The following CASP6 variants were observed in gnomAD, a reference collection of about 807,000 sequenced individuals.
CASP6 encodes caspase 6.
A neutral mutation model predicts 31.8 loss-of-function variants in CASP6; 20 were observed. The observed-to-expected ratio is 0.63, with a 90% confidence interval of 0.44 to 0.91. CASP6 has a LOEUF of 0.91. Ranked by LOEUF, CASP6 falls within the 40% of genes least tolerant of loss-of-function variation. CASP6 has a pLI of 0.00. For synonymous variants in CASP6, 130 were observed against 127.8 expected, an observed-to-expected ratio of 1.02 and a Z score of -0.12; for missense variants, 328 against 361.1, an observed-to-expected ratio of 0.91 and a Z score of 0.74.
At chr4:109,708,411 CGTT>C (rs1392320486), upstream of CASP6, among the ~76,000 whole-genome samples, 1 of 152,212 alleles carries the variant, frequency 6.6e-6, no homozygotes, top group African/African-American at 2.4e-5. Context: ...TTGTTGTACT[CGTT>C]GGAAACAGCA....
rs1730033402 is a variant in CASP6, at chr4:109,690,951, T to G, written c.542A>C (p.Gln181Pro). Residue 181 changes from glutamine to proline, a missense_variant, in exon 6 of 7, where the codon CAG (glutamine) becomes CCG (proline). Transcript: ENST00000265164. ...TATGTTGGTGTCCAACTTCTCTGTC[T>G]GATTATCTACTACATCCAAAGGAAT... ...PVIPLDVVDNQTEKLDTNITE... is the reference protein window; with the variant it reads ...PVIPLDVVDNPTEKLDTNITE... The G allele has an allele frequency of 2.5e-6, 4 of 1,614,018 alleles. No homozygotes were observed. The highest frequency in any genetic ancestry group is 3.4e-6 in the Non-Finnish European group (4 of 1,179,944).
At chr4:109,700,481 C>T (rs1730386813) in intron 1 of CASP6, among the ~76,000 whole-genome samples, 1 of 152,192 alleles carries the variant, frequency 6.6e-6, no homozygotes, top group South Asian at 2.1e-4. Flanking sequence ...ATGACTGCCC[C>T]TGTGAATAGT....
At chr4:109,707,632 C>A (rs1180294295), upstream of CASP6, among the ~76,000 whole-genome samples, 2 of 152,126 alleles carry the variant, frequency 1.3e-5, no homozygotes, top group Admixed American at 6.5e-5. Flanking sequence ...ATCTGCCCAC[C>A]TTGGCCTCCC....
chr4:109,684,102 G>A (rs1331884735), downstream of CASP6, among the ~76,000 whole-genome samples: 2 of 145,808 alleles, frequency 1.4e-5, no homozygotes, highest in African/African-American at 2.6e-5. Context: ...TTGCACTGTC[G>A]CCCAGGCTGG....
At chr4:109,686,399 A>G (rs546126186), downstream of CASP6, among the ~76,000 whole-genome samples, 1 of 152,190 alleles carries the variant, frequency 6.6e-6, no homozygotes, top group Non-Finnish European at 1.5e-5. Flanking sequence ...TTGGCCTCCC[A>G]AAGTGTTAGG....
intron 6 of CASP6, 80 bp downstream of exon 6, chr4:109,690,770 G>T: frequency 6.8e-7 from 1 of 1,460,984 alleles, no homozygotes; most frequent in Non-Finnish European, 9.2e-7. Context: ...CGAAAGATCT[G>T]ACCCAAACCA....
chr4:109,706,207 T>C (rs1435339559), upstream of CASP6, among the ~76,000 whole-genome samples: 13 of 128,724 alleles, frequency 1.0e-4, no homozygotes, highest in African/African-American at 2.5e-4. Context: ...ACATTATACA[T>C]AGGTATATGC....
downstream of CASP6, chr4:109,684,861 C>T (rs753391007): frequency 1.1e-5 from 5 of 467,156 alleles, no homozygotes; most frequent in African/African-American, 2.0e-5. Context: ...TAGTGTAACA[C>T]ACAAATTCCT....
the CASP6 span, among the ~76,000 whole-genome samples, chr4:109,670,375 G>A: frequency 5.9e-5 from 9 of 151,928 alleles, no homozygotes; most frequent in East Asian, 9.6e-4. Flanking sequence ...AATCCCAATC[G>A]GTTAGGCTCT....
At chr4:109,675,675 G>A in the CASP6 span, among the ~76,000 whole-genome samples, 1 of 152,314 alleles carries the variant, frequency 6.6e-6, no homozygotes, top group East Asian at 1.9e-4. Flanking sequence ...TGTGGTGTTG[G>A]GATGTGAGGC....
In CASP6 at chr4:109,689,522, T is replaced by C. The variant is rs771986235; in HGVS notation, c.690A>G (p.Gln230=). The stretch of plus-strand genomic sequence containing the variant: ...ATTTTCCCAACATCTCACACAAATC[T>C]TGAATGTACCATGAGCCGTTCACAG... The part of the protein sequence containing the change: ...RETVNGSWYI[Q]DLCEMLGKYG... The change falls in exon 7 of 7, where the codon CAA becomes CAG. Residue 230 remains glutamine, a synonymous_variant. Coordinates refer to ENST00000265164, the MANE Select transcript of CASP6 (RefSeq NM_001226.4). The C allele has an allele frequency of 1.3e-4, 207 of 1,614,060 alleles. No homozygotes were observed. The highest frequency in any genetic ancestry group is 1.7e-4 in the Non-Finnish European group (196 of 1,180,034).
intron 5 of CASP6, among the ~76,000 whole-genome samples, chr4:109,693,167 T>C (rs1730128913): frequency 6.6e-6 from 1 of 152,124 alleles, no homozygotes. Context: ...CCTTCCACCA[T>C]AATTGTAAGC....
At chr4:109,666,777 G>C in the CASP6 span, among the ~76,000 whole-genome samples, 1 of 152,020 alleles carries the variant, frequency 6.6e-6, no homozygotes, top group South Asian at 2.1e-4. Context: ...CTCTGTTCCT[G>C]GTTTGCTGAG....
At chr4:109,681,853 A>T in the CASP6 span, among the ~76,000 whole-genome samples, 11 of 152,240 alleles carry the variant, frequency 7.2e-5, no homozygotes, top group African/African-American at 2.7e-4. Context: ...GCAGTAACAA[A>T]CACGAACCAG....
intron 5 of CASP6, among the ~76,000 whole-genome samples, chr4:109,694,158 T>G (rs1730165140): frequency 6.6e-6 from 1 of 152,202 alleles, no homozygotes; most frequent in Non-Finnish European, 1.5e-5. Context: ...TCCACTGGTT[T>G]ATATGCTCTC....
upstream of CASP6, among the ~76,000 whole-genome samples, chr4:109,707,226 G>A (rs1458149431): frequency 2.0e-5 from 3 of 152,136 alleles, no homozygotes; most frequent in Admixed American, 6.5e-5. Context: ...AACCAAACTC[G>A]AAATCCCTCT....
chr4:109,696,395 A>T lies in CASP6; in HGVS notation c.307+15T>A. 6 of 1,595,692 alleles carry T rather than the reference A, an allele frequency of 3.8e-6. No homozygotes were observed. Among genetic ancestry groups the T allele is most frequent in the Non-Finnish European group, 5.1e-6 (6 of 1,165,444 alleles). On this transcript the variant is annotated intron_variant, in intron 4 of 6. Transcript: ENST00000265164. ...ATTAGAGGAAGATGAACTATATGAT[A>T]GCAAAACTACCTACCCTCATGAATT... is the stretch of plus-strand genomic sequence containing the variant.
chr4:109,677,362 C>G, the CASP6 span, among the ~76,000 whole-genome samples: 1 of 152,118 alleles, frequency 6.6e-6, no homozygotes, highest in Non-Finnish European at 1.5e-5. Flanking sequence ...TTGCCCATAT[C>G]TGATTTAGAT....
At chr4:109,674,009 T>C in the CASP6 span, 1 of 1,207,194 alleles carries the variant, frequency 8.3e-7, no homozygotes, top group Non-Finnish European at 1.2e-6. Context: ...AATACTAAAA[T>C]GTCCATTCAT....
Sources: gnomAD v4.1 joint callset for allele counts (sites outside exome capture counted in the v4.1 genomes callset) on GRCh38, gnomAD v4.1.1 for gene constraint, MANE v1.5 for transcripts, NCBI Gene and HGNC (gene_info 2026-07-23, HGNC 2026-07-21) for gene names.